Variants in ENG observed in about 807,000 individuals in gnomAD.
ENG encodes the protein endoglin.
A neutral mutation model predicts 71.0 loss-of-function variants in ENG; 17 were observed. The ratio of observed to expected loss-of-function variants is 0.24; its 90% confidence interval spans 0.16 to 0.36. The LOEUF (loss-of-function observed/expected upper bound fraction) is 0.36. Among genes scored for constraint, ENG ranks in the 10% least tolerant of loss-of-function variants. ENG has a pLI of 1.00. For synonymous variants in ENG, 360 were observed against 366.9 expected (o/e 0.98, Z 0.21); for missense variants, 749 against 868.3 (o/e 0.86, Z 1.73).
chr9:127,833,714 A>C (rs1402901916), intron 2 of ENG, among the ~76,000 whole-genome samples: 1 of 152,136 alleles, frequency 6.6e-6, no homozygotes, highest in African/African-American at 2.4e-5. Context: ...TTTCAAGATG[A>C]AGACACCAGT....
At position 127,854,114 on chromosome 9, in the gene ENG, A is replaced by G. The variant is rs138687945; in HGVS notation, c.67+175T>C. 1.5e-4 allele frequency among the ~76,000 whole-genome samples: 23 copies of G among 152,358 alleles called. 1 individual carries two copies. The East Asian group carries it at 4.4e-3, about 29-fold the overall frequency. ...CCCGAGGCTTTCTTTCAACACTGAA[A>G]GTCCTGCATAACCATTTAGTTCCAG... On this transcript the variant is annotated intron_variant, in intron 1 of 14. Transcript: ENST00000373203.
At chr9:127,819,731 CA>C (rs1830427722) in intron 9 of ENG, 71 bp from the exon 10 acceptor site, 1 of 1,586,032 alleles carries the variant, frequency 6.3e-7, no homozygotes, top group South Asian at 1.1e-5. Context: ...CCAATACGCC[CA>C]TTTTTGCAGA....
chr9:127,818,199 A>C lies in ENG; in HGVS notation c.1607T>G (p.Phe536Cys). The C allele has an allele frequency of 6.2e-7, 1 of 1,614,162 alleles. No homozygotes were observed. Among genetic ancestry groups the C allele is most frequent in the East Asian group, 2.2e-5 (1 of 44,878 alleles). Residue 536 changes from phenylalanine (F) to cysteine (C), a missense_variant, in exon 12 of 15, where the codon TTC (phenylalanine) becomes TGC (cysteine). Transcript: ENST00000373203. Reference sequence around the variant, plus strand: ...GGTTTTGGGTATGGGTACTGTGTAGAAGTGGAGGAGGAAGCTGAAGCGCGG... The same window carrying C: ...GGTTTTGGGTATGGGTACTGTGTAGCAGTGGAGGAGGAAGCTGAAGCGCGG... ...GDPRFSFLLH[F>C]YTVPIPKTGT...
At chr9:127,816,827 C>T (rs1249996353) in intron 13 of ENG, 8 of 461,360 alleles carry the variant, frequency 1.7e-5, no homozygotes, top group Non-Finnish European at 2.4e-5. Context: ...GCCTCTGTCT[C>T]ACCCAGGAGA....
intron 2 of ENG, among the ~76,000 whole-genome samples, chr9:127,839,027 C>T (rs1181010474): frequency 6.6e-6 from 1 of 152,134 alleles, no homozygotes; most frequent in Non-Finnish European, 1.5e-5. Flanking sequence ...ACCACCCCCA[C>T]TACCACGTCC....
chr9:127,817,624 A>T (rs938983410), intron 12 of ENG: 11 of 360,264 alleles, frequency 3.1e-5, no homozygotes, highest in African/African-American at 2.3e-4. Context: ...CTGTCTGTGC[A>T]AGGGCCTGGG....
At chr9:127,849,616 C>T (rs1018117456) in intron 1 of ENG, among the ~76,000 whole-genome samples, 2 of 152,172 alleles carry the variant, frequency 1.3e-5, no homozygotes, top group African/African-American at 4.8e-5. Flanking sequence ...CAGAGCAGGG[C>T]ATAGATGGGG....
At chr9:127,817,854 A>G (rs1005778220) in intron 12 of ENG, 1 of 574,576 alleles carries the variant, frequency 1.7e-6, no homozygotes, top group Middle Eastern at 4.7e-4. Context: ...GGATGGACGG[A>G]CGGGTAAGTG....
intron 2 of ENG, among the ~76,000 whole-genome samples, chr9:127,839,122 C>A (rs1564461226): frequency 6.6e-6 from 1 of 152,168 alleles, no homozygotes; most frequent in Non-Finnish European, 1.5e-5. Context: ...CACCAGGGGC[C>A]TTTTCCCTAA....
chr9:127,840,163 G>A (rs1034077205), intron 2 of ENG, among the ~76,000 whole-genome samples: 6 of 152,356 alleles, frequency 3.9e-5, no homozygotes, highest in East Asian at 1.9e-4. Context: ...GGCCCAAGGC[G>A]ATGTGGCTCT....
At chr9:127,851,683 A>G (rs929439808) in intron 1 of ENG, among the ~76,000 whole-genome samples, 1 of 152,042 alleles carries the variant, frequency 6.6e-6, no homozygotes, top group African/African-American at 2.4e-5. Flanking sequence ...GTTCGAGGCC[A>G]GCCTGGCCAA....
chr9:127,834,991 A>AAT (rs139510422), intron 2 of ENG, among the ~76,000 whole-genome samples: 39 of 150,892 alleles, frequency 2.6e-4, no homozygotes, highest in East Asian at 1.2e-3. Flanking sequence ...TTTTGAATAA[A>AAT]ATATATATAT....
At chr9:127,848,895 C>A (rs1264606101) in intron 1 of ENG, among the ~76,000 whole-genome samples, 7 of 152,180 alleles carry the variant, frequency 4.6e-5, no homozygotes, top group Admixed American at 2.6e-4. Flanking sequence ...ATGTTCAGTT[C>A]TTTGTCCTCC....
rs867965156 is a variant in ENG at position 127,820,843 on chromosome 9, T to A, written c.1135-806A>T. On this transcript the variant is annotated intron_variant, in intron 8 of 14. Transcript: ENST00000373203. The stretch of plus-strand genomic sequence containing the variant: ...GACTCCGTCTCAAAAAAAAAAAATA[T>A]ATATATATATATTCCTTCAAGTTCC... Among the ~76,000 whole-genome samples, 125 of 150,842 alleles carry A rather than the reference T, an allele frequency of 8.3e-4. 1 individual carries two copies. Among genetic ancestry groups the A allele is most frequent in the African/African-American group, 2.6e-3 (106 of 41,146 alleles).
intron 3 of ENG, among the ~76,000 whole-genome samples, chr9:127,828,399 CT>C (rs2131893323): frequency 6.6e-6 from 1 of 152,352 alleles, no homozygotes; most frequent in Non-Finnish European, 1.5e-5. Flanking sequence ...GAGGCCGCGC[CT>C]TGGCCTCTTT....
chr9:127,815,676 C>T lies in ENG; in HGVS notation c.*6G>A. The T allele has an allele frequency of 6.4e-7, 1 of 1,556,516 alleles. No individual in the cohort carries two copies. The highest frequency in any genetic ancestry group is 8.6e-7 in the Non-Finnish European group (1 of 1,158,058). On this transcript the variant is annotated 3_prime_UTR_variant, in exon 15 of 15. Coordinates refer to ENST00000373203, the MANE Select transcript of ENG (RefSeq NM_001114753.3). ...TCTCCTGCTGGGCGAGCGCGGGGGG[C>T]CGGGGCTATGCCATGCTGCTGGTGG...
At position 127,815,427 on chromosome 9, in the gene ENG, G is replaced by C; in HGVS notation, c.*255C>G. The C allele has an allele frequency of 3.4e-6, 2 of 589,632 alleles. No homozygotes were observed. The highest frequency in any genetic ancestry group is 6.1e-5 in the East Asian group (2 of 33,054). The allele number at this position is 589,632 out of a possible 1,614,324, so 36.5% of individuals were successfully genotyped here. A position where few individuals can be genotyped will look rare whatever the true frequency, so the allele number is the denominator to read the frequency against. ...TTGGGTTTTTACAACAGCGTGGCAA[G>C]TGGTCTGTCTCCTGGGCAGCCATAT... On this transcript the variant is annotated 3_prime_UTR_variant, in exon 15 of 15. Coordinates refer to ENST00000373203, the MANE Select transcript of ENG (RefSeq NM_001114753.3).
In ENG at chr9:127,815,934, G is replaced by A. The variant is rs1276660967; in HGVS notation, c.1852+9C>T. ...CGGCATGCTCACTGTGGGGGCCTGG[G>A]GTACTCACGCGTGTGCGAGTAGATG... On this transcript the variant is annotated intron_variant, in intron 14 of 14. Transcript: ENST00000373203. 12 of 1,591,558 alleles carry A rather than the reference G, an allele frequency of 7.5e-6. No individual in the cohort carries two copies. Among genetic ancestry groups the A allele is most frequent in the Non-Finnish European group, 1.0e-5 (12 of 1,169,766 alleles).
At position 127,829,737 on chromosome 9, in the gene ENG, T is replaced by G. The variant is rs757343854; in HGVS notation, c.310A>C (p.Ser104Arg). 3 of 1,614,088 alleles carry G rather than the reference T, an allele frequency of 1.9e-6. No homozygotes were observed. Among genetic ancestry groups the G allele is most frequent in the Non-Finnish European group, 2.5e-6 (3 of 1,180,000 alleles). Residue 104 changes from serine to arginine, a missense_variant, in exon 3 of 15, where the codon AGT (serine) becomes CGT (arginine). By Grantham distance (110) the Ser-to-Arg change is moderately radical. Coordinates refer to ENST00000373203, the MANE Select transcript of ENG (RefSeq NM_001114753.3). ...EVLLVLSVNS[S>R]VFLHLQALGI... Reference sequence around the variant, plus strand: ...AGGGCCTGGAGATGCAGGAAGACACTGCTGTTTACACTGAGGACCAGAAGC... The same window carrying G: ...AGGGCCTGGAGATGCAGGAAGACACGGCTGTTTACACTGAGGACCAGAAGC...
Sources: gnomAD v4.1 joint callset for allele counts (sites outside exome capture counted in the v4.1 genomes callset) on GRCh38, gnomAD v4.1.1 for gene constraint, MANE v1.5 for transcripts, NCBI Gene and HGNC (gene_info 2026-07-23, HGNC 2026-07-21) for gene names.